The following MTHFD1L variants were observed in gnomAD, a reference collection of about 807,000 sequenced individuals.
MTHFD1L encodes the protein monofunctional C1-tetrahydrofolate synthase, mitochondrial.
MTHFD1L carries 81 observed loss-of-function variants against 119.5 expected under a neutral mutation model. The observed-to-expected ratio is 0.68, with a 90% confidence interval of 0.57 to 0.82. The LOEUF (loss-of-function observed/expected upper bound fraction) is 0.82. Ranked by LOEUF, MTHFD1L falls within the 40% of genes least tolerant of loss-of-function variation. MTHFD1L has a pLI of 0.00. For missense variants in MTHFD1L, 1,125 were observed against 1,253.4 expected, an observed-to-expected ratio of 0.90 and a Z score of 1.55; for synonymous variants, 430 against 475.2, an observed-to-expected ratio of 0.90 and a Z score of 1.24.
Position 151,021,285 on chromosome 6 carries a change from C to T in MTHFD1L, c.2586+5592C>T, listed in dbSNP as rs193234016. Among the ~76,000 whole-genome samples the T allele has an allele frequency of 2.0e-4, 30 of 152,252 alleles. 2 individuals carry two copies. The highest frequency in any genetic ancestry group is 1.1e-3 in the Admixed American group (17 of 15,288). ...AATGAAGGCCAGGAGTGGTGGCTCT[C>T]GCCTGTAATCCCAGCACCTTGGGAG... On this transcript the variant is annotated intron_variant, in intron 24 of 27. Transcript: ENST00000367321.
At chr6:151,049,364 C>T (rs11753636) in intron 26 of MTHFD1L, among the ~76,000 whole-genome samples, 89,991 of 151,906 alleles carry the variant, frequency 0.59, 28,591 homozygotes, top group East Asian at 0.73. Context: ...TGGTGGCAGA[C>T]GCCTGTAGTC....
At chr6:151,004,408 T>A (rs906413055) in intron 20 of MTHFD1L, among the ~76,000 whole-genome samples, 3 of 152,190 alleles carry the variant, frequency 2.0e-5, no homozygotes, top group Non-Finnish European at 2.9e-5. Flanking sequence ...ACAGAATAAC[T>A]TAAGATGTAG....
At chr6:151,004,164 G>A (rs577647940) in intron 20 of MTHFD1L, among the ~76,000 whole-genome samples, 1 of 152,090 alleles carries the variant, frequency 6.6e-6, no homozygotes, top group East Asian at 1.9e-4. Flanking sequence ...CCAACATGGT[G>A]AAATCCTGTC....
At chr6:151,018,070 G>A (rs546896527) in intron 24 of MTHFD1L, among the ~76,000 whole-genome samples, 7 of 152,130 alleles carry the variant, frequency 4.6e-5, no homozygotes, top group Middle Eastern at 3.4e-3. Flanking sequence ...TCCTCAGATC[G>A]TCTGTCTTTG....
At chr6:151,029,060 C>T (rs1253388221) in intron 24 of MTHFD1L, among the ~76,000 whole-genome samples, 1 of 151,486 alleles carries the variant, frequency 6.6e-6, no homozygotes, top group Non-Finnish European at 1.5e-5. Context: ...CCCTGGGTCA[C>T]AAAAAAAGAA....
At position 150,964,278 on chromosome 6, in the gene MTHFD1L, TTC is replaced by T. The variant is rs1462768768; in HGVS notation, c.1945-687_1945-686del. Among the ~76,000 whole-genome samples the T allele has an allele frequency of 2.6e-5, 4 of 152,376 alleles. No homozygotes were observed. The South Asian group carries it at 8.3e-4, about 32-fold the overall frequency. ...TCATGCATCATCCCTATTCTCTCTCTTCTCTGTCTTTTCTTCATCCAGGAACA... is the reference window on the plus strand; with the variant it reads ...TCATGCATCATCCCTATTCTCTCTCTTCTGTCTTTTCTTCATCCAGGAACA... On this transcript the variant is annotated intron_variant, in intron 18 of 27. Transcript: ENST00000367321.
chr6:150,949,618 C>T (rs1794561486), intron 16 of MTHFD1L, among the ~76,000 whole-genome samples: 1 of 152,098 alleles, frequency 6.6e-6, no homozygotes. Flanking sequence ...ACCCACTTAA[C>T]GAGGCATCGC....
intron 13 of MTHFD1L, among the ~76,000 whole-genome samples, chr6:150,941,157 G>A (rs546733768): frequency 2.0e-5 from 3 of 152,194 alleles, no homozygotes; most frequent in African/African-American, 4.8e-5. Flanking sequence ...GGAAGGAGCC[G>A]GCCTTGTGAA....
chr6:150,974,246 G>A (rs1408768605), intron 20 of MTHFD1L, among the ~76,000 whole-genome samples: 2 of 152,146 alleles, frequency 1.3e-5, no homozygotes, highest in African/African-American at 2.4e-5. Flanking sequence ...TTGAAATGAG[G>A]CATCAATGAG....
At chr6:151,085,664 G>A (rs536393583) in intron 26 of MTHFD1L, among the ~76,000 whole-genome samples, 3 of 152,146 alleles carry the variant, frequency 2.0e-5, no homozygotes, top group East Asian at 3.9e-4. Context: ...CCAGCTACTC[G>A]GGAGGCTGAA....
chr6:150,900,737 C>T (rs998880125), intron 7 of MTHFD1L, among the ~76,000 whole-genome samples: 23 of 152,130 alleles, frequency 1.5e-4, no homozygotes, highest in Admixed American at 1.4e-3. Context: ...AAAGTGCGGC[C>T]GGGCGCGGTG....
chr6:151,035,308 G>A (rs1363742885), intron 25 of MTHFD1L, among the ~76,000 whole-genome samples: 4 of 152,132 alleles, frequency 2.6e-5, no homozygotes, highest in Non-Finnish European at 5.9e-5. Context: ...TCCTACTTTG[G>A]TGTAGTCGGA....
intron 1 of MTHFD1L, among the ~76,000 whole-genome samples, chr6:150,875,686 C>G (rs1289299645): frequency 6.6e-6 from 1 of 152,096 alleles, no homozygotes; most frequent in Non-Finnish European, 1.5e-5. Flanking sequence ...CATCCCTCTT[C>G]CCACTTTATT....
At chr6:151,051,283 C>T (rs1788984529) in intron 26 of MTHFD1L, among the ~76,000 whole-genome samples, 1 of 152,188 alleles carries the variant, frequency 6.6e-6, no homozygotes, top group African/African-American at 2.4e-5. Flanking sequence ...GATCGTGGGG[C>T]CATATGGCCT....
rs576531914 is a variant in MTHFD1L at position 150,933,461 on chromosome 6, T to A, written c.1257-3343T>A. Among the ~76,000 whole-genome samples, 257 of 152,196 alleles carry A rather than the reference T, an allele frequency of 1.7e-3. 1 individual carries two copies. Among genetic ancestry groups the A allele is most frequent in the African/African-American group, 5.9e-3 (247 of 41,528 alleles). ...AGTTGACTCCAAGCAGAAGTATTAA[T>A]ATCTTTGTATAACTTTCAGTCTTCA... On this transcript the variant is annotated intron_variant, in intron 11 of 27. Coordinates refer to ENST00000367321, the MANE Select transcript of MTHFD1L (RefSeq NM_015440.5).
chr6:150,986,300 G>T (rs1477978092), intron 20 of MTHFD1L, among the ~76,000 whole-genome samples: 1 of 152,026 alleles, frequency 6.6e-6, no homozygotes, highest in African/African-American at 2.4e-5. Flanking sequence ...TCATCTAAGG[G>T]CCCAATCAAG....
intron 26 of MTHFD1L, among the ~76,000 whole-genome samples, chr6:151,042,284 C>CT (rs142278632): frequency 0.032 from 4,816 of 152,212 alleles, 288 homozygotes; most frequent in African/African-American, 0.11. Flanking sequence ...ATTCTTCCCT[C>CT]TTTTTTATGA....
At chr6:150,923,537 A>ATTTATTTATTTATTTATTTATT (rs1254981530) in intron 10 of MTHFD1L, among the ~76,000 whole-genome samples, 1 of 95,208 alleles carries the variant, frequency 1.1e-5, no homozygotes, top group African/African-American at 5.1e-5. Flanking sequence ...TTATTTATTT[A>ATTTATTTATTTATTTATTTATT]TTTTTTCTTT....
chr6:150,953,706 G>A (rs1795181219), intron 16 of MTHFD1L, among the ~76,000 whole-genome samples: 1 of 152,076 alleles, frequency 6.6e-6, no homozygotes, highest in Non-Finnish European at 1.5e-5. Flanking sequence ...GATTCTAGTT[G>A]ATCTTGCCAG....
Sources: gnomAD v4.1 joint callset for allele counts (sites outside exome capture counted in the v4.1 genomes callset) on GRCh38, gnomAD v4.1.1 for gene constraint, MANE v1.5 for transcripts, NCBI Gene and HGNC (gene_info 2026-07-23, HGNC 2026-07-21) for gene names.